IQCH: variants seen among roughly 807,000 people sequenced by gnomAD.
IQCH encodes IQ domain-containing protein H.
In IQCH, 98 loss-of-function variants were observed where a neutral mutation model predicts 117.0. The observed-to-expected ratio is 0.84, with a 90% CI of 0.71 to 0.99. The LOEUF (loss-of-function observed/expected upper bound fraction) is 0.99, where lower values mean the gene tolerates loss of function less well. Ranked by LOEUF, IQCH falls within the 50% of genes least tolerant of loss-of-function variation. The probability of loss-of-function intolerance (pLI) is 0.00; values close to 1 mark genes in which losing one functional copy is unlikely to be tolerated. For synonymous variants in IQCH, 412 were observed against 448.2 expected (o/e 0.92, Z 1.02); for missense variants, 1,102 against 1,243.8 (o/e 0.89, Z 1.72).
intron 6 of IQCH, among the ~76,000 whole-genome samples, chr15:67,351,004 G>C (rs1305758579): frequency 2.6e-5 from 4 of 152,190 alleles, no homozygotes; most frequent in Admixed American, 1.3e-4. Context: ...TACTGAATTA[G>C]AGTCTTGAAG....
chr15:67,268,522 AC>A (rs1215153921), intron 3 of IQCH, among the ~76,000 whole-genome samples: 1 of 152,216 alleles, frequency 6.6e-6, no homozygotes, highest in Non-Finnish European at 1.5e-5. Context: ...TGCCATCTGT[AC>A]CAGCACTATC....
chr15:67,351,388 T>C (rs1374556823), intron 6 of IQCH, among the ~76,000 whole-genome samples: 2 of 152,174 alleles, frequency 1.3e-5, no homozygotes, highest in African/African-American at 4.8e-5. Flanking sequence ...ATGGTTTGAA[T>C]AGACCATAGT....
intron 5 of IQCH, among the ~76,000 whole-genome samples, chr15:67,339,139 A>G (rs144393944): frequency 6.6e-6 from 1 of 152,322 alleles, no homozygotes; most frequent in Non-Finnish European, 1.5e-5. Context: ...TTGTTGACAC[A>G]TAATAGGCAC....
rs772914424 is a variant in IQCH at position 67,337,015 on chromosome 15, G to A, written c.428G>A (p.Ser143Asn). Residue 143 changes from serine to asparagine, a missense_variant, in exon 5 of 21, where the codon AGC becomes AAC. By Grantham distance (46) the Ser-to-Asn change is conservative. Coordinates refer to ENST00000335894, the MANE Select transcript of IQCH (RefSeq NM_001031715.3). ...SKLIKGSNIS[S>N]LTVLPSSHCT... ...TTAATCAAAGGGTCTAACATATCCAGCCTCACGGTTCTGCCATCTTCTCAT... is the reference window on the plus strand; with the variant it reads ...TTAATCAAAGGGTCTAACATATCCAACCTCACGGTTCTGCCATCTTCTCAT... 7 of 1,613,740 alleles carry A rather than the reference G, an allele frequency of 4.3e-6. No homozygotes were observed. In the South Asian group the frequency reaches 6.6e-5, roughly 15 times the overall value.
At chr15:67,321,190 T>C (rs1405563165) in intron 4 of IQCH, among the ~76,000 whole-genome samples, 1 of 152,198 alleles carries the variant, frequency 6.6e-6, no homozygotes, top group African/African-American at 2.4e-5. Context: ...CTCTACTTTA[T>C]GTGATGCGCT....
intron 10 of IQCH, among the ~76,000 whole-genome samples, chr15:67,374,573 G>A (rs889288996): frequency 1.3e-5 from 2 of 152,052 alleles, no homozygotes; most frequent in Admixed American, 1.3e-4. Flanking sequence ...CTAGACTCTG[G>A]AGTACTTAGA....
At chr15:67,290,360 A>G (rs1966710307) in intron 4 of IQCH, among the ~76,000 whole-genome samples, 1 of 152,080 alleles carries the variant, frequency 6.6e-6, no homozygotes. Context: ...TGCTGCATCA[A>G]AATGTAATCT....
In IQCH at chr15:67,279,428, T is replaced by C; in HGVS notation, c.303T>C (p.Phe101=). Residue 101 remains phenylalanine, a synonymous_variant, in exon 4 of 21, where the codon TTT becomes TTC. Coordinates refer to ENST00000335894, the MANE Select transcript of IQCH (RefSeq NM_001031715.3). ...LLPTVIDQKS[F]IFPQESEGTF... ...CAACTGTAATTGATCAGAAATCATT[T>C]ATTTTCCCTCAGGAATCTGAGGGTA... 1.9e-6 allele frequency: 3 copies of C among 1,606,462 alleles called. No individual in the cohort carries two copies. Among genetic ancestry groups the C allele is most frequent in the Non-Finnish European group, 2.6e-6 (3 of 1,174,368 alleles).
At chr15:67,346,330 C>T (rs113065801) in intron 6 of IQCH, among the ~76,000 whole-genome samples, 1 of 151,736 alleles carries the variant, frequency 6.6e-6, no homozygotes, top group Non-Finnish European at 1.5e-5. Flanking sequence ...CAAAAAAATA[C>T]TATAGAACAG....
chr15:67,270,896 ATGGTTTTTTGTTC>A (rs1473548390), intron 3 of IQCH, among the ~76,000 whole-genome samples: 1 of 152,112 alleles, frequency 6.6e-6, no homozygotes, highest in Non-Finnish European at 1.5e-5. Flanking sequence ...GAATGATCAT[ATGGTTTTTTGTTC>A]TTGATTCTGT....
intron 4 of IQCH, among the ~76,000 whole-genome samples, chr15:67,326,988 AT>A (rs1322508008): frequency 3.3e-5 from 5 of 152,194 alleles, no homozygotes; most frequent in African/African-American, 1.2e-4. Context: ...ATATGAATAT[AT>A]TTACTTAAAG....
rs1317808382 is a variant in IQCH, at chr15:67,426,911, G to A, written c.2505+5334G>A. Among the ~76,000 whole-genome samples, 5 of 151,762 alleles carry A rather than the reference G, an allele frequency of 3.3e-5. No homozygotes were observed. Among genetic ancestry groups the A allele is most frequent in the Non-Finnish European group, 5.9e-5 (4 of 67,960 alleles). On this transcript the variant is annotated intron_variant, in intron 16 of 20. Transcript: ENST00000335894. The surrounding 1 kb of genome is among the most constrained non-coding windows in gnomAD (Gnocchi z 5.1). ...TGAGGTAGGAGGATTGCTTGGGCCC[G>A]GGAGGTCAATGCTGCAATAAGCTGT... is the stretch of plus-strand genomic sequence containing the variant.
chr15:67,483,474 G>A lies in IQCH; in HGVS notation c.2800-6529G>A, dbSNP rs116600243. ...GGAGGTTGCAGTGAGCCAAGATCGC[G>A]CTACTGCGCTCCAGCCTGGGTGAGA... On this transcript the variant is annotated intron_variant, in intron 18 of 20. Coordinates refer to ENST00000335894, the MANE Select transcript of IQCH (RefSeq NM_001031715.3). Among the ~76,000 whole-genome samples the A allele has an allele frequency of 3.3e-3, 508 of 152,330 alleles. 5 individuals carry two copies. The highest frequency in any genetic ancestry group is 0.012 in the African/African-American group (496 of 41,568).
At chr15:67,485,526 G>T (rs1206851079) in intron 18 of IQCH, among the ~76,000 whole-genome samples, 1 of 152,156 alleles carries the variant, frequency 6.6e-6, no homozygotes, top group African/African-American at 2.4e-5. Flanking sequence ...TACAACTAGT[G>T]AAAGACATCA....
At chr15:67,293,559 AAG>A (rs1966825082) in intron 4 of IQCH, among the ~76,000 whole-genome samples, 1 of 152,022 alleles carries the variant, frequency 6.6e-6, no homozygotes, top group Admixed American at 6.6e-5. Context: ...TGACAAGAAA[AAG>A]AGTCTGTATA....
rs1567179139 is a variant in IQCH, at chr15:67,427,371, TTTTTCTTTTTTC to T, written c.2505+5806_2505+5817del. On this transcript the variant is annotated intron_variant, in intron 16 of 20. Coordinates refer to ENST00000335894, the MANE Select transcript of IQCH (RefSeq NM_001031715.3). This position sits in a 1 kb window ranked among gnomAD's most constrained non-coding sequence, Gnocchi z 4.7. ...AGTTTCATATAGTCAAATCCAGCTG[TTTTTCTTTTTTC>T]TTTTCTTTTTTTTGTAGAGATAGGG... is the stretch of plus-strand genomic sequence containing the variant. 6.6e-6 allele frequency among the ~76,000 whole-genome samples: 1 copy of T among 152,078 alleles called. No individual in the cohort carries two copies. Among genetic ancestry groups the T allele is most frequent in the African/African-American group, 2.4e-5 (1 of 41,420 alleles).
At chr15:67,290,851 C>A (rs753714972) in intron 4 of IQCH, among the ~76,000 whole-genome samples, 5 of 152,116 alleles carry the variant, frequency 3.3e-5, no homozygotes, top group Non-Finnish European at 7.4e-5. Context: ...TCCCTTTCCA[C>A]GTGGAATTTA....
At chr15:67,258,956 A>G in intron 1 of IQCH, among the ~76,000 whole-genome samples, 1 of 152,198 alleles carries the variant, frequency 6.6e-6, no homozygotes, top group South Asian at 2.1e-4. Context: ...AGTGGTTGTT[A>G]AGAGGGGAGG....
chr15:67,420,057 T>G (rs118102521), intron 15 of IQCH, among the ~76,000 whole-genome samples: 1 of 152,228 alleles, frequency 6.6e-6, no homozygotes, highest in Non-Finnish European at 1.5e-5. Flanking sequence ...TTTACCTTGC[T>G]AAATCCCCAG....
Sources: allele counts gnomAD v4.1 joint callset (sites outside exome capture counted in the v4.1 genomes callset), GRCh38; gene constraint gnomAD v4.1.1; non-coding constraint Gnocchi (gnomAD v3.1); transcripts MANE v1.5; gene names NCBI Gene and HGNC (gene_info 2026-07-23, HGNC 2026-07-21).